LINGO2: variants seen among roughly 807,000 people sequenced by gnomAD.
The protein encoded by LINGO2 is leucine-rich repeat and immunoglobulin-like domain-containing nogo receptor-interacting protein 2.
A neutral mutation model predicts 30.6 loss-of-function variants in LINGO2; 14 were observed. The observed-to-expected ratio is 0.46, with a 90% CI of 0.30 to 0.72. LINGO2 has a LOEUF of 0.72. LINGO2 is among the 30% of genes least tolerant of loss of function. The probability of loss-of-function intolerance (pLI) is 0.07; values close to 1 mark genes in which losing one functional copy is unlikely to be tolerated. For synonymous variants in LINGO2, 317 were observed against 288.5 expected (o/e 1.10, Z -1.00); for missense variants, 729 against 751.7 (o/e 0.97, Z 0.35).
downstream of LINGO2, chr9:27,948,013 C>G (rs936374793): frequency 6.6e-6 from 1 of 152,156 alleles, no homozygotes; most frequent in Admixed American, 6.5e-5. Context: ...TCTGGAGAAA[C>G]CAAGGGCTTT....
chr9:28,740,404 T>C, the LINGO2 span, among the ~76,000 whole-genome samples: 4 of 151,890 alleles, frequency 2.6e-5, no homozygotes, highest in Non-Finnish European at 5.9e-5. Flanking sequence ...CATATCAGTT[T>C]TTGCCTAATG....
chr9:28,730,554 C>T, the LINGO2 span, among the ~76,000 whole-genome samples: 1 of 152,016 alleles, frequency 6.6e-6, no homozygotes, highest in South Asian at 2.1e-4. Flanking sequence ...AAGCACATAT[C>T]CAATAAAGGA....
chr9:28,946,350 G>C, the LINGO2 span, among the ~76,000 whole-genome samples: 2 of 152,144 alleles, frequency 1.3e-5, no homozygotes, highest in Non-Finnish European at 2.9e-5. Context: ...TGGACATCAA[G>C]TGGGAATTTG....
At chr9:28,418,063 T>G (rs1446153560) in intron 2 of LINGO2, among the ~76,000 whole-genome samples, 1 of 152,148 alleles carries the variant, frequency 6.6e-6, no homozygotes, top group Non-Finnish European at 1.5e-5. Context: ...GTTCCATTTT[T>G]TCCCCCAGTG....
chr9:28,038,269 A>G (rs980499324), intron 4 of LINGO2, among the ~76,000 whole-genome samples: 5 of 152,190 alleles, frequency 3.3e-5, no homozygotes, highest in African/African-American at 1.2e-4. Flanking sequence ...GAAAACCACT[A>G]TGAGACCAGA....
chr9:28,390,118 G>T (rs566688802), intron 2 of LINGO2, among the ~76,000 whole-genome samples: 7 of 152,092 alleles, frequency 4.6e-5, no homozygotes, highest in Admixed American at 6.5e-5. Flanking sequence ...CTTCATGATG[G>T]CTCAATATTG....
At chr9:28,268,462 T>C (rs530585283) in intron 4 of LINGO2, among the ~76,000 whole-genome samples, 60 of 152,172 alleles carry the variant, frequency 3.9e-4, no homozygotes, top group South Asian at 8.3e-4. Context: ...TTTCAGGTAA[T>C]TGCATTTATT....
At chr9:29,055,355 A>C in the LINGO2 span, among the ~76,000 whole-genome samples, 1 of 152,208 alleles carries the variant, frequency 6.6e-6, no homozygotes, top group Non-Finnish European at 1.5e-5. Context: ...CTCAAGTTTC[A>C]TCATGTTATT....
intron 5 of LINGO2, among the ~76,000 whole-genome samples, chr9:27,966,940 A>C (rs1318069517): frequency 6.6e-6 from 1 of 152,166 alleles, no homozygotes; most frequent in Non-Finnish European, 1.5e-5. Context: ...TCTGTTAAGT[A>C]GTTTTCCCTT....
chr9:28,612,668 G>T (rs141310158), intron 1 of LINGO2, among the ~76,000 whole-genome samples: 2 of 152,236 alleles, frequency 1.3e-5, no homozygotes, highest in African/African-American at 4.8e-5. Context: ...AGCAAATACC[G>T]GACTTGCTTT....
chr9:28,527,659 G>C lies in LINGO2; in HGVS notation c.-364-51634C>G, dbSNP rs112193493. Among the ~76,000 whole-genome samples the C allele has an allele frequency of 4.4e-3, 671 of 152,240 alleles. 4 individuals are homozygous for C. Among genetic ancestry groups the C allele is most frequent in the African/African-American group, 0.012 (495 of 41,566 alleles). On this transcript the variant is annotated intron_variant, in intron 1 of 5. Transcript: ENST00000379992. Reference sequence around the variant, plus strand: ...TTCCCCTCACTGCCCCAGTGTGGACGACATACCCCTGCTCTGTGCTCCCTT... The same window carrying C: ...TTCCCCTCACTGCCCCAGTGTGGACCACATACCCCTGCTCTGTGCTCCCTT...
At chr9:28,534,075 T>C in intron 1 of LINGO2, among the ~76,000 whole-genome samples, 1 of 152,204 alleles carries the variant, frequency 6.6e-6, no homozygotes, top group Non-Finnish European at 1.5e-5. Flanking sequence ...ATTTATTTCC[T>C]TCTTATTGAA....
chr9:28,709,765 T>C, the LINGO2 span, among the ~76,000 whole-genome samples: 4 of 152,026 alleles, frequency 2.6e-5, no homozygotes, highest in Admixed American at 6.6e-5. Context: ...ATTTAATTTG[T>C]AGTTATCTAG....
chr9:28,233,173 C>G (rs1029978432), intron 4 of LINGO2, among the ~76,000 whole-genome samples: 15 of 149,464 alleles, frequency 1.0e-4, no homozygotes, highest in Admixed American at 1.0e-3. Context: ...GTGTGTGTGT[C>G]ATCTCCATTG....
the LINGO2 span, among the ~76,000 whole-genome samples, chr9:29,130,552 A>G: frequency 6.6e-6 from 1 of 152,190 alleles, no homozygotes; most frequent in Admixed American, 6.6e-5. Flanking sequence ...CCCCCAGAGC[A>G]AAAATTAATA....
chr9:28,392,148 A>T (rs1821865740), intron 2 of LINGO2, among the ~76,000 whole-genome samples: 1 of 152,206 alleles, frequency 6.6e-6, no homozygotes, highest in African/African-American at 2.4e-5. Flanking sequence ...GCTTGCAGTG[A>T]GCCGAGATTG....
At chr9:28,565,130 A>T (rs773937958) in intron 1 of LINGO2, among the ~76,000 whole-genome samples, 6 of 152,116 alleles carry the variant, frequency 3.9e-5, no homozygotes, top group East Asian at 1.9e-4. Flanking sequence ...CACTTCTGAA[A>T]TTTTTTTGAG....
In LINGO2 at chr9:28,214,025, G is replaced by A. The variant is rs144656075; in HGVS notation, c.-87+81183C>T. Among the ~76,000 whole-genome samples, 19 of 151,554 alleles carry A rather than the reference G, an allele frequency of 1.3e-4. 1 individual carries two copies. Among genetic ancestry groups the A allele is most frequent in the African/African-American group, 4.3e-4 (18 of 41,464 alleles). ...GGATTTTTTGACTTATATCTTAGAA[G>A]ATATGAGGAAATTAATCAAAAAAAT... On this transcript the variant is annotated intron_variant, in intron 4 of 5. Transcript: ENST00000379992.
intron 1 of LINGO2, among the ~76,000 whole-genome samples, chr9:28,602,382 G>A (rs1339163988): frequency 6.6e-6 from 1 of 152,062 alleles, no homozygotes; most frequent in African/African-American, 2.4e-5. Flanking sequence ...TAATACATTT[G>A]GCTATTAATG....
Sources: allele counts gnomAD v4.1 joint callset (sites outside exome capture counted in the v4.1 genomes callset), GRCh38; gene constraint gnomAD v4.1.1; transcripts MANE v1.5; gene names NCBI Gene and HGNC (gene_info 2026-07-23, HGNC 2026-07-21).